The following AGR3 variants were observed in gnomAD, a reference collection of about 807,000 sequenced individuals.
AGR3 encodes the protein anterior gradient protein 3.
Under a neutral mutation model 24.5 loss-of-function variants are expected in AGR3, and 37 were observed. The observed-to-expected ratio is 1.51, with a 90% CI of 1.16 to 1.99. The LOEUF is 1.99. AGR3 is among the 30% of genes most tolerant of loss of function. The probability of loss-of-function intolerance (pLI) is 0.00; values close to 1 mark genes in which losing one functional copy is unlikely to be tolerated. For missense variants in AGR3, 228 were observed against 191.1 expected (o/e 1.19, Z -1.14); for synonymous variants, 75 against 61.6 (o/e 1.22, Z -1.02).
intron 4 of AGR3, 64 bp from the exon 5 acceptor site, chr7:16,862,124 C>G: frequency 1.7e-6 from 2 of 1,203,642 alleles, no homozygotes; most frequent in Non-Finnish European, 2.4e-6. Context: ...TGTAACATAG[C>G]AAAATAAAGC....
At chr7:16,873,694 A>G (rs1781927774) in intron 3 of AGR3, 86 bp downstream of exon 3, 2 of 1,010,948 alleles carry the variant, frequency 2.0e-6, no homozygotes, top group African/African-American at 1.6e-5. Flanking sequence ...ATGTATCAGC[A>G]TATCACTCTA....
chr7:16,868,471 A>G (rs983508024), intron 3 of AGR3, among the ~76,000 whole-genome samples: 3 of 152,140 alleles, frequency 2.0e-5, no homozygotes, highest in African/African-American at 7.2e-5. Flanking sequence ...TCTTCTTTTA[A>G]GAAATGTCTA....
intron 3 of AGR3, among the ~76,000 whole-genome samples, chr7:16,863,960 G>C (rs528819586): frequency 3.0e-4 from 46 of 151,976 alleles, no homozygotes; most frequent in African/African-American, 1.1e-3. Flanking sequence ...TTCTGAATTA[G>C]TCCTTCACAT....
At chr7:16,859,300 A>T (rs76122310), downstream of AGR3, 918 of 238,182 alleles carry the variant, frequency 3.9e-3, 8 homozygotes, top group African/African-American at 0.019. Context: ...AGGTGAAGAA[A>T]TAGAGACAAA....
rs927291347 is a variant in AGR3 at position 16,864,448 on chromosome 7, C to A, written c.174-1786G>T. 7.7e-6 allele frequency: 10 copies of A among 1,301,920 alleles called. No homozygotes were observed. The East Asian group carries it at 9.2e-5, about 12-fold the overall frequency. The allele number at this position is 1,301,920 out of a possible 1,614,324, so 80.6% of individuals were successfully genotyped here. Reference sequence around the variant, plus strand: ...CAGAGATTCCTCTGCAGAATGTCCTCCGTTAAGCTGGGCTTCATCTCCACT... The same window carrying A: ...CAGAGATTCCTCTGCAGAATGTCCTACGTTAAGCTGGGCTTCATCTCCACT... On this transcript the variant is annotated intron_variant, in intron 3 of 7. Transcript: ENST00000310398.
At chr7:16,873,994 C>T (rs1781936271) in intron 2 of AGR3, 151 bp from the exon 3 acceptor site, 3 of 638,420 alleles carry the variant, frequency 4.7e-6, no homozygotes, top group Non-Finnish European at 8.2e-6. Context: ...ACAATTTTCA[C>T]AAGATATGGA....
At chr7:16,878,025 G>C (rs545442426) in intron 2 of AGR3, among the ~76,000 whole-genome samples, 11 of 152,130 alleles carry the variant, frequency 7.2e-5, no homozygotes, top group African/African-American at 2.6e-4. Context: ...CTGTCTTCCA[G>C]AGTCAATATA....
intron 1 of AGR3, among the ~76,000 whole-genome samples, chr7:16,880,979 A>G (rs1424297528): frequency 6.6e-6 from 1 of 152,142 alleles, no homozygotes; most frequent in Non-Finnish European, 1.5e-5. Flanking sequence ...TGTGTGCAAA[A>G]TTTTATCTGC....
chr7:16,868,162 C>CT (rs34028587), intron 3 of AGR3, among the ~76,000 whole-genome samples: 46,467 of 149,182 alleles, frequency 0.31, 8,408 homozygotes, highest in Non-Finnish European at 0.42. Context: ...CTTTGTATGT[C>CT]TTTTTTTTTT....
At chr7:16,855,566 G>T (rs940631793), downstream of AGR3, among the ~76,000 whole-genome samples, 6 of 152,276 alleles carry the variant, frequency 3.9e-5, no homozygotes, top group African/African-American at 1.4e-4. Context: ...TTGTGTGTGG[G>T]CATGGGTGTG....
Position 16,881,930 on chromosome 7 carries a change from A to C in AGR3, c.-28+14T>G, listed in dbSNP as rs1379549419. 1 of 471,060 alleles carries C rather than the reference A, an allele frequency of 2.1e-6. No homozygotes were observed. The highest frequency in any genetic ancestry group is 6.9e-5 in the East Asian group (1 of 14,402). The allele number at this position is 471,060 out of a possible 1,614,324, so 29.2% of individuals were successfully genotyped here. ...GACCACTGATTAAGTAATCTGGAAA[A>C]TTTGCTTGCTTACCTGACTTGGCCA... is the stretch of plus-strand genomic sequence containing the variant. On this transcript the variant is annotated intron_variant, in intron 1 of 7. Transcript: ENST00000310398.
intron 1 of AGR3, among the ~76,000 whole-genome samples, chr7:16,880,770 G>A (rs916194565): frequency 4.6e-5 from 7 of 152,068 alleles, no homozygotes; most frequent in African/African-American, 1.7e-4. Context: ...AACAAATACA[G>A]GGTGGATTTT....
intron 6 of AGR3, 125 bp from the exon 7 acceptor site, chr7:16,860,708 T>C (rs1019717669): frequency 1.7e-5 from 11 of 642,682 alleles, no homozygotes; most frequent in African/African-American, 1.5e-4. Context: ...ACAGATATAT[T>C]GTGTGATGCT....
At chr7:16,858,837 G>A (rs868717547), downstream of AGR3, among the ~76,000 whole-genome samples, 2 of 152,042 alleles carry the variant, frequency 1.3e-5, no homozygotes, top group Admixed American at 6.6e-5. Flanking sequence ...CCAAGAGTGC[G>A]CCACTGCACT....
At chr7:16,874,088 A>G (rs1781940291) in intron 2 of AGR3, among the ~76,000 whole-genome samples, 1 of 152,180 alleles carries the variant, frequency 6.6e-6, no homozygotes, top group South Asian at 2.1e-4. Flanking sequence ...CCCAGTAAGT[A>G]CTCAATACAT....
chr7:16,867,670 T>C (rs10215974), intron 3 of AGR3, among the ~76,000 whole-genome samples: 24,219 of 152,120 alleles, frequency 0.16, 2,700 homozygotes, highest in East Asian at 0.36. Flanking sequence ...CCCCCAGACT[T>C]TAGTAACCAC....
intron 3 of AGR3, 47 bp from the exon 4 acceptor site, chr7:16,862,709 C>G: frequency 7.7e-7 from 1 of 1,305,076 alleles, no homozygotes; most frequent in Non-Finnish European, 1.1e-6. Flanking sequence ...AACTTTGGGT[C>G]AAAATATACA....
intron 2 of AGR3, among the ~76,000 whole-genome samples, chr7:16,877,862 CA>C (rs67623743): frequency 1.6e-4 from 20 of 126,372 alleles, no homozygotes; most frequent in Admixed American, 4.1e-4. Context: ...GACTCCGTCT[CA>C]AAAAAAAAAA....
intron 2 of AGR3, among the ~76,000 whole-genome samples, chr7:16,877,083 T>A (rs1482450361): frequency 6.6e-6 from 1 of 151,922 alleles, no homozygotes; most frequent in Non-Finnish European, 1.5e-5. Flanking sequence ...TGTGTGTTTG[T>A]TAAACTGAAG....
Sources: gnomAD v4.1 joint callset for allele counts (sites outside exome capture counted in the v4.1 genomes callset) on GRCh38, gnomAD v4.1.1 for gene constraint, MANE v1.5 for transcripts, NCBI Gene and HGNC (gene_info 2026-07-23, HGNC 2026-07-21) for gene names.